The following PTGFR variants were observed in gnomAD, a reference collection of about 807,000 sequenced individuals.
PTGFR encodes prostaglandin F2-alpha receptor.
In PTGFR, 15 loss-of-function variants were observed where a neutral mutation model predicts 26.2. That is an observed-to-expected ratio of 0.57 (90% CI 0.38 to 0.88). The LOEUF (loss-of-function observed/expected upper bound fraction) is 0.88, where lower values mean the gene tolerates loss of function less well. Ranked by LOEUF, PTGFR falls within the 40% of genes least tolerant of loss-of-function variation. The pLI is 0.00. For missense variants in PTGFR, 369 were observed against 427.2 expected (o/e 0.86, Z 1.20); for synonymous variants, 165 against 151.1 (o/e 1.09, Z -0.68).
intron 2 of PTGFR, among the ~76,000 whole-genome samples, chr1:78,508,404 A>T (rs1649876950): frequency 1.3e-5 from 2 of 152,114 alleles, no homozygotes; most frequent in African/African-American, 4.8e-5. Context: ...TCTTTTCATG[A>T]GTATTACTGT....
chr1:78,510,453 T>G (rs1448534674), intron 2 of PTGFR, among the ~76,000 whole-genome samples: 1 of 152,044 alleles, frequency 6.6e-6, no homozygotes, highest in Non-Finnish European at 1.5e-5. Context: ...GCACACTCTG[T>G]TAAACAAGCA....
At chr1:78,515,616 TTCTTTG>T (rs1650074546) in intron 2 of PTGFR, among the ~76,000 whole-genome samples, 1 of 152,220 alleles carries the variant, frequency 6.6e-6, no homozygotes, top group Non-Finnish European at 1.5e-5. Flanking sequence ...ATTCTGGACA[TTCTTTG>T]TCTTTATTTA....
rs1557661331 is a variant in PTGFR at position 78,537,392 on chromosome 1, T to A, written c.*705T>A. On this transcript the variant is annotated 3_prime_UTR_variant, in exon 3 of 3. Transcript: ENST00000370757. ...TAGCAATTTTCAAATAATTATTTTT[T>A]CTCTGAAAATTTTGTGTGTGATTGC... 1 of 152,132 alleles carries A rather than the reference T, an allele frequency of 6.6e-6. No individual in the cohort carries two copies. Among genetic ancestry groups the A allele is most frequent in the Non-Finnish European group, 1.5e-5 (1 of 68,000 alleles). The allele number at this position is 152,132 out of a possible 1,614,324, so 9.4% of individuals were successfully genotyped here.
chr1:78,536,251 T>C (rs752392759), intron 2 of PTGFR, among the ~76,000 whole-genome samples, 155 bp from the exon 3 acceptor site: 1 of 152,140 alleles, frequency 6.6e-6, no homozygotes, highest in Non-Finnish European at 1.5e-5. Context: ...TCCATCAGTG[T>C]TTCTGCTATC....
chr1:78,502,671 G>A (rs926048800), intron 2 of PTGFR, among the ~76,000 whole-genome samples: 1 of 152,028 alleles, frequency 6.6e-6, no homozygotes, highest in Non-Finnish European at 1.5e-5. Context: ...ATGAATAATG[G>A]GAATTATAAG....
intron 2 of PTGFR, chr1:78,532,366 A>ATT (rs1405535832): frequency 2.3e-5 from 2 of 87,184 alleles, no homozygotes; most frequent in Non-Finnish European, 3.8e-5. Flanking sequence ...AAATTCATTT[A>ATT]TATATATATA....
At chr1:78,515,564 T>C (rs1650073188) in intron 2 of PTGFR, among the ~76,000 whole-genome samples, 1 of 152,226 alleles carries the variant, frequency 6.6e-6, no homozygotes, top group Non-Finnish European at 1.5e-5. Context: ...TACAGCACAT[T>C]ACACTGATTC....
In PTGFR at chr1:78,536,424, G is replaced by A. The variant is rs267598731; in HGVS notation, c.817G>A (p.Gly273Arg). Reference protein sequence around the residue: ...SPFLVTMANIGINGNHSLETC... With the variant: ...SPFLVTMANIRINGNHSLETC... ...TTTCTAGGTTACAATGGCCAACATTGGAATAAATGGAAATCATTCTCTGGA... is the reference window on the plus strand; with the variant it reads ...TTTCTAGGTTACAATGGCCAACATTAGAATAAATGGAAATCATTCTCTGGA... The change falls in exon 3 of 3, where the codon GGA becomes AGA. Residue 273 changes from glycine (G) to arginine (R), a missense_variant. Coordinates refer to ENST00000370757, the MANE Select transcript of PTGFR (RefSeq NM_000959.4). The A allele has an allele frequency of 1.9e-6, 3 of 1,611,578 alleles. No homozygotes were observed. The highest frequency in any genetic ancestry group is 2.5e-6 in the Non-Finnish European group (3 of 1,178,980).
chr1:78,530,810 A>T (rs866798087), intron 2 of PTGFR, among the ~76,000 whole-genome samples: 1 of 152,208 alleles, frequency 6.6e-6, no homozygotes, highest in Non-Finnish European at 1.5e-5. Context: ...AGTGGAAGAC[A>T]GATTTGAAAT....
chr1:78,503,745 C>A (rs1649763495), intron 2 of PTGFR, among the ~76,000 whole-genome samples: 1 of 152,130 alleles, frequency 6.6e-6, no homozygotes, highest in Non-Finnish European at 1.5e-5. Context: ...TCTGGCTTTG[C>A]TTTGGAGCAG....
At chr1:78,527,408 T>C (rs1553166141) in intron 2 of PTGFR, among the ~76,000 whole-genome samples, 1 of 152,150 alleles carries the variant, frequency 6.6e-6, no homozygotes, top group Non-Finnish European at 1.5e-5. Flanking sequence ...TCATTATCAG[T>C]GTTATGCAAA....
intron 2 of PTGFR, among the ~76,000 whole-genome samples, chr1:78,504,208 A>T (rs1026892424): frequency 3.3e-5 from 5 of 152,202 alleles, no homozygotes; most frequent in Admixed American, 2.0e-4. Flanking sequence ...CATTGTAAAA[A>T]ATTACAACAA....
chr1:78,518,763 C>T (rs148297376), intron 2 of PTGFR, among the ~76,000 whole-genome samples: 2 of 151,972 alleles, frequency 1.3e-5, no homozygotes, highest in African/African-American at 4.8e-5. Context: ...ATCACAGCTC[C>T]CATCATTTCA....
chr1:78,526,493 C>T (rs1050434569), intron 2 of PTGFR, among the ~76,000 whole-genome samples: 9 of 152,056 alleles, frequency 5.9e-5, no homozygotes, highest in African/African-American at 2.2e-4. Flanking sequence ...CACAGACATC[C>T]AGGCATCCTA....
At chr1:78,512,743 G>A (rs373080824) in intron 2 of PTGFR, among the ~76,000 whole-genome samples, 2 of 152,152 alleles carry the variant, frequency 1.3e-5, no homozygotes, top group South Asian at 2.1e-4. Flanking sequence ...AGCATTAGAG[G>A]TGGGGCCTGG....
rs182961736 is a variant in PTGFR at position 78,521,052 on chromosome 1, A to G, written c.799-15354A>G. 1.3e-3 allele frequency among the ~76,000 whole-genome samples: 198 copies of G among 152,142 alleles called. 1 individual carries two copies. The highest frequency in any genetic ancestry group is 4.7e-3 in the African/African-American group (195 of 41,520). On this transcript the variant is annotated intron_variant, in intron 2 of 2. Transcript: ENST00000370757. Reference sequence around the variant, plus strand: ...TAGTACAGCCACATGCGGGCTGCCTAGGCTGGCTCCTCTCTCTTAATTTCC... The same window carrying G: ...TAGTACAGCCACATGCGGGCTGCCTGGGCTGGCTCCTCTCTCTTAATTTCC...
At chr1:78,508,757 T>C (rs1380277255) in intron 2 of PTGFR, among the ~76,000 whole-genome samples, 1 of 152,172 alleles carries the variant, frequency 6.6e-6, no homozygotes, top group East Asian at 1.9e-4. Flanking sequence ...AGAGGGTCAT[T>C]GTTACTTTAA....
rs1027584716 is a variant in PTGFR at position 78,492,787 on chromosome 1, C to T, written c.44C>T (p.Ala15Val). Residue 15 changes from alanine to valine, a missense_variant, in exon 2 of 3, where the codon GCG becomes GTG. Transcript: ENST00000370757. ...AAACAGCTAGTGTCTCCTGCAGCTG[C>T]GCTTCTTTCAAACACAACCTGCCAG... ...NSKQLVSPAAALLSNTTCQTE... is the reference protein window; with the variant it reads ...NSKQLVSPAAVLLSNTTCQTE... 1.9e-6 allele frequency: 3 copies of T among 1,614,114 alleles called. No homozygotes were observed. The highest frequency in any genetic ancestry group is 2.5e-6 in the Non-Finnish European group (3 of 1,179,994).
chr1:78,524,817 C>T (rs1407459978), intron 2 of PTGFR, among the ~76,000 whole-genome samples: 1 of 146,406 alleles, frequency 6.8e-6, no homozygotes, highest in Non-Finnish European at 1.5e-5. Flanking sequence ...CCTTCTGTAT[C>T]TTTCTATAAT....
Sources: allele counts gnomAD v4.1 joint callset (sites outside exome capture counted in the v4.1 genomes callset), GRCh38; gene constraint gnomAD v4.1.1; transcripts MANE v1.5; gene names NCBI Gene and HGNC (gene_info 2026-07-23, HGNC 2026-07-21).